Variants in ELMO1 observed in about 807,000 individuals in gnomAD.
The protein encoded by ELMO1 is engulfment and cell motility protein 1.
ELMO1 carries 26 observed loss-of-function variants against 98.9 expected under a neutral mutation model. The observed-to-expected ratio is 0.26, with a 90% CI of 0.19 to 0.36. The LOEUF (loss-of-function observed/expected upper bound fraction) is 0.36, where lower values mean the gene tolerates loss of function less well. Among genes scored for constraint, ELMO1 ranks in the 10% least tolerant of loss-of-function variants. The probability of loss-of-function intolerance (pLI) is 1.00; values close to 1 mark genes in which losing one functional copy is unlikely to be tolerated. For missense variants in ELMO1, 627 were observed against 935.2 expected (o/e 0.67, Z 4.30); for synonymous variants, 346 against 346.0 (o/e 1.00, Z 0.00).
intron 14 of ELMO1, among the ~76,000 whole-genome samples, chr7:37,129,189 T>A (rs1563021673): frequency 6.6e-6 from 1 of 151,950 alleles, no homozygotes; most frequent in Non-Finnish European, 1.5e-5. Context: ...GGGAAGTTGG[T>A]AGCAAGAGAT....
intron 1 of ELMO1, among the ~76,000 whole-genome samples, chr7:37,345,918 G>A (rs2131275281): frequency 6.6e-6 from 1 of 151,740 alleles, no homozygotes; most frequent in East Asian, 1.9e-4. Context: ...GAACCCAGGA[G>A]GCAGAGCTTG....
At chr7:37,333,837 T>C (rs1049576559) in intron 2 of ELMO1, among the ~76,000 whole-genome samples, 1 of 152,176 alleles carries the variant, frequency 6.6e-6, no homozygotes, top group African/African-American at 2.4e-5. Flanking sequence ...TATTACAGCT[T>C]TCTTAATTGG....
chr7:37,391,483 T>A (rs995687564), intron 1 of ELMO1, among the ~76,000 whole-genome samples: 1 of 152,340 alleles, frequency 6.6e-6, no homozygotes, highest in East Asian at 1.9e-4. Context: ...ATATAAAATA[T>A]AAAATTACAC....
intron 16 of ELMO1, among the ~76,000 whole-genome samples, chr7:36,949,297 A>G (rs1787772116): frequency 6.6e-6 from 1 of 152,176 alleles, no homozygotes; most frequent in East Asian, 1.9e-4. Flanking sequence ...TTTCCCCCAC[A>G]TTCCCTTGCC....
chr7:37,093,212 A>G lies in ELMO1; in HGVS notation c.1300+3407T>C, dbSNP rs373319588. Among the ~76,000 whole-genome samples, 3 of 152,176 alleles carry G rather than the reference A, an allele frequency of 2.0e-5. No individual in the cohort carries two copies. In the East Asian group the frequency reaches 5.8e-4, roughly 29 times the overall value. The stretch of plus-strand genomic sequence containing the variant: ...TTAAAGCAACCTTAGAAAACTGAAC[A>G]TAAATATTTGGTATCAGTAATTAAT... On this transcript the variant is annotated intron_variant, in intron 15 of 21. Transcript: ENST00000310758.
intron 20 of ELMO1, among the ~76,000 whole-genome samples, chr7:36,865,644 G>A (rs1225402471): frequency 6.6e-6 from 1 of 152,108 alleles, no homozygotes; most frequent in African/African-American, 2.4e-5. Flanking sequence ...TTCTCTGCCT[G>A]GCCAATTCCT....
At chr7:37,028,186 G>T (rs1328028532) in intron 15 of ELMO1, among the ~76,000 whole-genome samples, 1 of 152,130 alleles carries the variant, frequency 6.6e-6, no homozygotes, top group Admixed American at 6.6e-5. Context: ...CTAACAAGAG[G>T]GAGAGCCAGG....
At chr7:37,053,640 C>A (rs1379969628) in intron 15 of ELMO1, among the ~76,000 whole-genome samples, 1 of 152,144 alleles carries the variant, frequency 6.6e-6, no homozygotes, top group Admixed American at 6.5e-5. Flanking sequence ...ACTATTAACT[C>A]CCTCCTTGGA....
At chr7:37,137,916 C>T (rs1223489416) in intron 13 of ELMO1, among the ~76,000 whole-genome samples, 1 of 152,150 alleles carries the variant, frequency 6.6e-6, no homozygotes, top group Non-Finnish European at 1.5e-5. Flanking sequence ...TGGAAATCAA[C>T]TCCAACAGGA....
chr7:36,903,252 C>G (rs889935024), intron 16 of ELMO1, among the ~76,000 whole-genome samples: 1 of 152,216 alleles, frequency 6.6e-6, no homozygotes, highest in Admixed American at 6.5e-5. Context: ...GCTCATTTGT[C>G]AAGCCTAGGC....
chr7:37,151,521 T>C (rs892531932), intron 13 of ELMO1, among the ~76,000 whole-genome samples: 2 of 152,124 alleles, frequency 1.3e-5, no homozygotes, highest in Non-Finnish European at 2.9e-5. Flanking sequence ...GGTAAACATA[T>C]TGGGTTGAAC....
intron 1 of ELMO1, among the ~76,000 whole-genome samples, chr7:37,344,227 T>G (rs960687239): frequency 2.6e-5 from 4 of 152,146 alleles, no homozygotes; most frequent in African/African-American, 9.7e-5. Flanking sequence ...AGACAGGGTT[T>G]CGCCATGTTG....
intron 4 of ELMO1, among the ~76,000 whole-genome samples, chr7:37,294,931 C>T (rs1418294518): frequency 4.6e-5 from 7 of 151,044 alleles, no homozygotes; most frequent in African/African-American, 7.3e-5. Context: ...ACCCAAGAGG[C>T]GGAGGTTGCA....
Position 37,121,769 on chromosome 7 carries a change from C to T in ELMO1, c.1191+11361G>A, listed in dbSNP as rs556173537. 3.9e-5 allele frequency among the ~76,000 whole-genome samples: 6 copies of T among 152,278 alleles called. No homozygotes were observed. In the East Asian group the frequency reaches 1.2e-3, roughly 29 times the overall value. On this transcript the variant is annotated intron_variant, in intron 14 of 21. Transcript: ENST00000310758. ...GGCCAACATTCAAATTCAGGAAATA[C>T]AGAGAACGCCACAAAGATACTCCTC...
intron 1 of ELMO1, among the ~76,000 whole-genome samples, chr7:37,403,298 C>G (rs1803608874): frequency 6.6e-6 from 1 of 152,106 alleles, no homozygotes; most frequent in African/African-American, 2.4e-5. Flanking sequence ...TGGCTCACAC[C>G]TGTAATCCCA....
chr7:36,915,526 G>C (rs750741360), intron 16 of ELMO1, among the ~76,000 whole-genome samples: 8 of 152,144 alleles, frequency 5.3e-5, no homozygotes, highest in Non-Finnish European at 1.2e-4. Context: ...CCACCACAAA[G>C]GGCTTTCCAG....
At chr7:37,175,838 T>C (rs1302084447) in intron 13 of ELMO1, among the ~76,000 whole-genome samples, 5 of 152,072 alleles carry the variant, frequency 3.3e-5, no homozygotes, top group African/African-American at 1.2e-4. Flanking sequence ...CAGAGTGAGA[T>C]TCTGTCTCAA....
At chr7:37,261,271 G>A (rs932284921) in intron 5 of ELMO1, among the ~76,000 whole-genome samples, 1 of 152,216 alleles carries the variant, frequency 6.6e-6, no homozygotes, top group African/African-American at 2.4e-5. Flanking sequence ...GGGAAGTTAG[G>A]TAACTTGCCC....
intron 1 of ELMO1, among the ~76,000 whole-genome samples, chr7:37,351,531 A>G (rs1801267795): frequency 6.6e-6 from 1 of 152,240 alleles, no homozygotes; most frequent in African/African-American, 2.4e-5. Flanking sequence ...AGAGGAAAAC[A>G]TTCAAAAGGG....
Sources: gnomAD v4.1 joint callset for allele counts (sites outside exome capture counted in the v4.1 genomes callset) on GRCh38, gnomAD v4.1.1 for gene constraint, MANE v1.5 for transcripts, NCBI Gene and HGNC (gene_info 2026-07-23, HGNC 2026-07-21) for gene names.